Variants in ROR1 observed in about 807,000 individuals in gnomAD.
ROR1 encodes the protein ROR family WNT receptor 1, also known as inactive tyrosine-protein kinase transmembrane receptor ROR1.
Under a neutral mutation model 78.8 loss-of-function variants are expected in ROR1, and 19 were observed. The observed-to-expected ratio is 0.24, with a 90% CI of 0.17 to 0.35. The LOEUF (loss-of-function observed/expected upper bound fraction) is 0.35, where lower values mean the gene tolerates loss of function less well. Ranked by LOEUF, ROR1 falls within the 10% of genes least tolerant of loss-of-function variation. The pLI is 1.00. For synonymous variants in ROR1, 386 were observed against 433.6 expected (o/e 0.89, Z 1.36); for missense variants, 917 against 1,177.8 (o/e 0.78, Z 3.24).
intron 1 of ROR1, among the ~76,000 whole-genome samples, chr1:64,007,537 A>G (rs2100540773): frequency 6.6e-6 from 1 of 152,290 alleles, no homozygotes; most frequent in Non-Finnish European, 1.5e-5. Flanking sequence ...AAAGAGTTTT[A>G]ACAGCCCGTA....
rs549711648 is a variant in ROR1 at position 63,831,121 on chromosome 1, G to A, written c.91+56613G>A. On this transcript the variant is annotated intron_variant, in intron 1 of 8. Coordinates refer to ENST00000371079, the MANE Select transcript of ROR1 (RefSeq NM_005012.4). ...CAGGATACAGCACCCCTGACACACA[G>A]CTGCTTTCATGGGCTGGCATTGAGT... Among the ~76,000 whole-genome samples the A allele has an allele frequency of 3.9e-5, 6 of 152,300 alleles. No individual in the cohort carries two copies. The South Asian group carries it at 1.0e-3, about 26-fold the overall frequency.
intron 1 of ROR1, among the ~76,000 whole-genome samples, chr1:63,934,421 A>G (rs1645777993): frequency 1.3e-5 from 2 of 152,064 alleles, no homozygotes; most frequent in African/African-American, 4.8e-5. Context: ...TCAAAATGGT[A>G]TCAGACCCAT....
At chr1:64,099,131 T>A (rs1026548350) in intron 4 of ROR1, among the ~76,000 whole-genome samples, 10 of 152,098 alleles carry the variant, frequency 6.6e-5, no homozygotes, top group Admixed American at 2.6e-4. Context: ...ATCTTACACA[T>A]TAGCGTATAC....
At chr1:63,912,997 C>G (rs1030296413) in intron 1 of ROR1, among the ~76,000 whole-genome samples, 1 of 151,938 alleles carries the variant, frequency 6.6e-6, no homozygotes, top group Admixed American at 6.6e-5. Context: ...TACTTGGGGA[C>G]CATTTATTTT....
At chr1:63,923,128 G>A (rs147869655) in intron 1 of ROR1, among the ~76,000 whole-genome samples, 28 of 152,272 alleles carry the variant, frequency 1.8e-4, no homozygotes, top group Non-Finnish European at 2.8e-4. Context: ...AACAGATTGC[G>A]TGTGACACCT....
intron 1 of ROR1, among the ~76,000 whole-genome samples, chr1:63,857,677 AT>A (rs1184883429): frequency 1.3e-5 from 2 of 152,236 alleles, no homozygotes; most frequent in Non-Finnish European, 1.5e-5. Context: ...ACTGGAGACA[AT>A]TGACAGTGGA....
At chr1:64,153,848 CAT>C (rs978608645) in intron 7 of ROR1, among the ~76,000 whole-genome samples, 3 of 152,056 alleles carry the variant, frequency 2.0e-5, no homozygotes, top group African/African-American at 4.8e-5. Flanking sequence ...ATATATGTAA[CAT>C]TATTGAAATG....
At chr1:64,036,270 T>C (rs1448877270) in intron 2 of ROR1, among the ~76,000 whole-genome samples, 1 of 152,148 alleles carries the variant, frequency 6.6e-6, no homozygotes. Context: ...CACCCATCCA[T>C]CCAGTAAATA....
chr1:63,838,802 C>G (rs1645033373), intron 1 of ROR1, among the ~76,000 whole-genome samples: 1 of 152,156 alleles, frequency 6.6e-6, no homozygotes, highest in African/African-American at 2.4e-5. Flanking sequence ...TTCCTGCAAG[C>G]TCCATTCATG....
intron 1 of ROR1, chr1:63,789,150 C>A (rs973589364): frequency 5.3e-5 from 31 of 587,128 alleles, no homozygotes; most frequent in Non-Finnish European, 8.2e-5. Flanking sequence ...CATTGGCTTG[C>A]GGATCATCAG....
chr1:64,124,105 T>C (rs916566556), intron 4 of ROR1, among the ~76,000 whole-genome samples: 5 of 152,214 alleles, frequency 3.3e-5, no homozygotes, highest in Non-Finnish European at 7.4e-5. Flanking sequence ...ATAATTTGTG[T>C]GTTTATATGT....
At chr1:64,057,204 G>A (rs1409288858) in intron 4 of ROR1, among the ~76,000 whole-genome samples, 1 of 152,004 alleles carries the variant, frequency 6.6e-6, no homozygotes, top group Non-Finnish European at 1.5e-5. Context: ...GGGAGTCCAG[G>A]TTCATTCTTT....
At chr1:63,850,786 T>C (rs1645109288) in intron 1 of ROR1, among the ~76,000 whole-genome samples, 1 of 152,120 alleles carries the variant, frequency 6.6e-6, no homozygotes. Context: ...CAGAACACAT[T>C]ATGTACATTT....
chr1:63,809,643 G>T lies in ROR1; in HGVS notation c.91+35135G>T, dbSNP rs77312760. ...GTGGCATCTAAGCAGAGAGACCATG[G>T]AAAGGCCAAGTTTTAAGAATTGAGT... On this transcript the variant is annotated intron_variant, in intron 1 of 8. Coordinates refer to ENST00000371079, the MANE Select transcript of ROR1 (RefSeq NM_005012.4). Among the ~76,000 whole-genome samples the T allele has an allele frequency of 1.0e-3, 154 of 152,262 alleles. 1 individual carries two copies. The East Asian group carries it at 0.027, about 26-fold the overall frequency.
chr1:64,144,315 A>G (rs887138207), intron 7 of ROR1, among the ~76,000 whole-genome samples: 15 of 152,236 alleles, frequency 9.9e-5, no homozygotes, highest in African/African-American at 3.4e-4. Context: ...AGGCAGTTTT[A>G]TATCACAGAC....
chr1:64,013,015 G>A (rs748524127), intron 2 of ROR1, among the ~76,000 whole-genome samples: 15 of 152,076 alleles, frequency 9.9e-5, no homozygotes, highest in Admixed American at 2.0e-4. Flanking sequence ...TCCACTATGC[G>A]TTTCCTGTGT....
At chr1:64,136,177 T>C (rs544349572) in intron 4 of ROR1, among the ~76,000 whole-genome samples, 2 of 152,158 alleles carry the variant, frequency 1.3e-5, no homozygotes, top group African/African-American at 4.8e-5. Flanking sequence ...GACTTTCCCA[T>C]GTAGGGCAGA....
At chr1:63,978,500 A>G (rs938056678) in intron 1 of ROR1, among the ~76,000 whole-genome samples, 3 of 152,170 alleles carry the variant, frequency 2.0e-5, no homozygotes, top group Admixed American at 1.3e-4. Context: ...TATTTTGTAG[A>G]TTATTCTGTC....
At chr1:63,908,922 C>T (rs907405911) in intron 1 of ROR1, among the ~76,000 whole-genome samples, 2 of 152,150 alleles carry the variant, frequency 1.3e-5, no homozygotes, top group Non-Finnish European at 2.9e-5. Flanking sequence ...CCAGTGGCCT[C>T]CATAGCTACT....
Sources: gnomAD v4.1 joint callset for allele counts (sites outside exome capture counted in the v4.1 genomes callset) on GRCh38, gnomAD v4.1.1 for gene constraint, MANE v1.5 for transcripts, NCBI Gene and HGNC (gene_info 2026-07-23, HGNC 2026-07-21) for gene names.